The following RANBP1 variants were observed in gnomAD, a reference collection of about 807,000 sequenced individuals.
RANBP1 encodes the protein ran-specific GTPase-activating protein.
A neutral mutation model predicts 31.4 loss-of-function variants in RANBP1; 16 were observed. The ratio of observed to expected loss-of-function variants is 0.51; its 90% CI spans 0.34 to 0.77. The LOEUF (loss-of-function observed/expected upper bound fraction) is 0.77. RANBP1 is among the 30% of genes least tolerant of loss of function. RANBP1 has a pLI of 0.01. For missense variants in RANBP1, 265 were observed against 362.0 expected, an observed-to-expected ratio of 0.73 and a Z score of 2.17; for synonymous variants, 129 against 140.5, an observed-to-expected ratio of 0.92 and a Z score of 0.58.
At chr22:20,123,456 G>C (rs1379221507) in intron 3 of RANBP1, among the ~76,000 whole-genome samples, 1 of 118,544 alleles carries the variant, frequency 8.4e-6, no homozygotes, top group Non-Finnish European at 1.8e-5. Flanking sequence ...GTGTCTGGGG[G>C]GGTTTGGTGT....
chr22:20,118,564 A>G (rs541070611), intron 1 of RANBP1, among the ~76,000 whole-genome samples: 1 of 152,350 alleles, frequency 6.6e-6, no homozygotes, highest in East Asian at 1.9e-4. Context: ...AAAGAGTTAC[A>G]TTTTGCTTTA....
intron 3 of RANBP1, 25 bp downstream of exon 3, chr22:20,122,446 G>T: frequency 1.2e-6 from 2 of 1,611,202 alleles, no homozygotes; most frequent in South Asian, 1.1e-5. Context: ...CGACCACCTC[G>T]ACAGTCCCCA....
At chr22:20,119,941 G>T (rs73877140) in intron 2 of RANBP1, among the ~76,000 whole-genome samples, 7,145 of 152,312 alleles carry the variant, frequency 0.047, 240 homozygotes, top group East Asian at 0.091. Context: ...GCTGGCTACA[G>T]TGGTGGGTAC....
intron 3 of RANBP1, among the ~76,000 whole-genome samples, chr22:20,123,454 G>A (rs1431418140): frequency 1.6e-5 from 2 of 122,094 alleles, no homozygotes; most frequent in African/African-American, 3.1e-5. Flanking sequence ...TGGTGTCTGG[G>A]GGGGTTTGGT....
intron 1 of RANBP1, chr22:20,116,963 CGT>C: frequency 6.4e-7 from 1 of 1,560,256 alleles, no homozygotes; most frequent in Non-Finnish European, 8.7e-7. Flanking sequence ...CTGGCCACCT[CGT>C]CCTGGGCCTG....
At chr22:20,116,871 C>G in intron 1 of RANBP1, 1 of 1,604,028 alleles carries the variant, frequency 6.2e-7, no homozygotes, top group Non-Finnish European at 8.5e-7. Flanking sequence ...CCAGCGTCTC[C>G]CCGCACTCTA....
At chr22:20,126,173 A>C in intron 4 of RANBP1, 130 bp from the exon 5 acceptor site, 1 of 1,097,378 alleles carries the variant, frequency 9.1e-7, no homozygotes, top group Non-Finnish European at 1.3e-6. Flanking sequence ...TGTCAGGTGG[A>C]CCAGTCCTTT....
intron 2 of RANBP1, among the ~76,000 whole-genome samples, chr22:20,121,553 T>C (rs1319934826): frequency 2.1e-5 from 3 of 142,522 alleles, no homozygotes; most frequent in African/African-American, 8.1e-5. Context: ...CTGTTTTGTT[T>C]TGTTTTTTTT....
At chr22:20,124,951 GC>G (rs2050263521) in intron 3 of RANBP1, 2 of 319,602 alleles carry the variant, frequency 6.3e-6, no homozygotes, top group Non-Finnish European at 1.2e-5. Flanking sequence ...TACAGCTGGG[GC>G]CTGCTTTGCC....
intron 1 of RANBP1, chr22:20,117,040 A>G (rs1453108719): frequency 3.3e-6 from 4 of 1,224,704 alleles, no homozygotes; most frequent in Admixed American, 2.3e-5. Context: ...GAGCCGGTGC[A>G]ACGCCGCGAG....
chr22:20,116,670 C>T (rs2050033090), intron 1 of RANBP1: 1 of 1,503,660 alleles, frequency 6.7e-7, no homozygotes, highest in African/African-American at 1.4e-5. Context: ...GCCTGGCCCC[C>T]CAAGCTTCCT....
intron 1 of RANBP1, 108 bp downstream of exon 1, chr22:20,116,538 A>G (rs1568975699): frequency 1.2e-6 from 2 of 1,601,720 alleles, no homozygotes; most frequent in Non-Finnish European, 1.7e-6. Context: ...CCGGGGCTGC[A>G]GGGGGCACCG....
At chr22:20,125,720 T>G in intron 4 of RANBP1, 2 of 1,230,432 alleles carry the variant, frequency 1.6e-6, no homozygotes, top group Non-Finnish European at 2.1e-6. Flanking sequence ...CAAGCTCCGG[T>G]TCCCATTAGT....
chr22:20,122,701 A>T, intron 3 of RANBP1: 1 of 1,310,156 alleles, frequency 7.6e-7, no homozygotes, highest in South Asian at 1.3e-5. Flanking sequence ...ACGAGGAGTG[A>T]GTGCTGCAGG....
chr22:20,118,049 C>T (rs1001770206), intron 1 of RANBP1: 1 of 994,120 alleles, frequency 1.0e-6, no homozygotes, highest in Non-Finnish European at 1.2e-6. Flanking sequence ...GTCGCCCACG[C>T]AGCACTTCAT....
In RANBP1 at chr22:20,127,113, T is replaced by C; in HGVS notation, c.*61T>C. 2 of 1,401,980 alleles carry C rather than the reference T, an allele frequency of 1.4e-6. No individual in the cohort carries two copies. Among genetic ancestry groups the C allele is most frequent in the Non-Finnish European group, 1.9e-6 (2 of 1,035,996 alleles). 86.8% of individuals were successfully genotyped at this position (1,401,980 alleles called of 1,614,324 possible). ...TTCCTTTTTTTAAAAAATTTTACCC[T>C]GCCCCTCTTTTTCGGTTTGTTTTTA... On this transcript the variant is annotated 3_prime_UTR_variant, in exon 6 of 6. Coordinates refer to ENST00000430524, the MANE Select transcript of RANBP1 (RefSeq NM_001278639.2).
intron 1 of RANBP1, chr22:20,117,283 T>C (rs1276577374): frequency 2.7e-6 from 2 of 731,726 alleles, no homozygotes; most frequent in Non-Finnish European, 3.8e-6. Context: ...CCAACCACTT[T>C]AGCCAGCTCT....
rs780610564 is a variant in RANBP1, at chr22:20,126,988, C to T, written c.773C>T (p.Ala258Val). ...AAAAATGATCATGCCGAAAAAGTGG[C>T]GGAAAAGCTAGAAGCTCTCTCGGTG... is the stretch of plus-strand genomic sequence containing the variant. ...SGKNDHAEKV[A>V]EKLEALSVKE... Residue 258 changes from alanine to valine, a missense_variant, in exon 6 of 6, where the codon GCG becomes GTG. Transcript: ENST00000430524. 4.0e-5 allele frequency: 65 copies of T among 1,612,680 alleles called. No homozygotes were observed. Among genetic ancestry groups the T allele is most frequent in the Admixed American group, 3.3e-4 (20 of 59,852 alleles).
At chr22:20,119,199 A>C (rs2050121835) in intron 2 of RANBP1, 50 bp downstream of exon 2, 1 of 1,564,464 alleles carries the variant, frequency 6.4e-7, no homozygotes. Context: ...TTGAGGTTAC[A>C]ACTTTTATGG....
Sources: gnomAD v4.1 joint callset for allele counts (sites outside exome capture counted in the v4.1 genomes callset) on GRCh38, gnomAD v4.1.1 for gene constraint, MANE v1.5 for transcripts, NCBI Gene and HGNC (gene_info 2026-07-23, HGNC 2026-07-21) for gene names.